Variants in AMPD1 observed in about 807,000 individuals in gnomAD.
The protein encoded by AMPD1 is AMP deaminase 1.
Under a neutral mutation model 82.9 loss-of-function variants are expected in AMPD1, and 74 were observed. The observed-to-expected ratio is 0.89, with a 90% confidence interval of 0.74 to 1.08. AMPD1 has a LOEUF of 1.08. Ranked by LOEUF, AMPD1 falls within the 50% of genes least tolerant of loss-of-function variation. AMPD1 has a pLI of 0.00. For missense variants in AMPD1, 881 were observed against 924.5 expected (o/e 0.95, Z 0.61); for synonymous variants, 333 against 320.5 (o/e 1.04, Z -0.42).
chr1:114,677,774 C>A, intron 9 of AMPD1, 136 bp downstream of exon 9: 2 of 718,824 alleles, frequency 2.8e-6, no homozygotes, highest in Non-Finnish European at 4.9e-6. Context: ...CCCTCCCTCC[C>A]TTCCTTCCTT....
Position 114,678,394 on chromosome 1 carries a change from AG to A in AMPD1, c.1030del (p.Leu344PhefsTer5). Reference protein sequence around the residue: ...TKEKNLTLKELFAKLKMHPYD... With the variant: ...TKEKNLTLKEXFAKLKMHPYD... ...AGGATGCATTTTTAATTTAGCAAAA[AG>A]TTCCTTTAGGGTCAGATTCTTCTCT... On this transcript the variant is annotated frameshift_variant, in exon 8 of 16. Coordinates refer to ENST00000520113, the MANE Select transcript of AMPD1 (RefSeq NM_000036.3). LOFTEE classifies it high-confidence loss of function. 1 of 1,614,176 alleles carries A rather than the reference AG, an allele frequency of 6.2e-7. No individual in the cohort carries two copies. The highest frequency in any genetic ancestry group is 1.7e-5 in the Admixed American group (1 of 60,010).
rs142271092 is a variant in AMPD1 at position 114,680,189 on chromosome 1, A to G, written c.767+70T>C. The G allele has an allele frequency of 4.2e-3, 5,518 of 1,302,268 alleles. 25 individuals carry two copies. Among genetic ancestry groups the G allele is most frequent in the Non-Finnish European group, 5.7e-3 (5,158 of 897,724 alleles). 80.7% of individuals were successfully genotyped at this position (1,302,268 alleles called of 1,614,324 possible). ...AAATACTTAGTCTCACTATCAGTAG[A>G]AGTAGTACTAGTTGTTGTTTAGGTC... is the stretch of plus-strand genomic sequence containing the variant. On this transcript the variant is annotated intron_variant, in intron 6 of 15. Coordinates refer to ENST00000520113, the MANE Select transcript of AMPD1 (RefSeq NM_000036.3).
At chr1:114,691,708 C>A (rs767703279) in intron 2 of AMPD1, among the ~76,000 whole-genome samples, 23 of 152,002 alleles carry the variant, frequency 1.5e-4, no homozygotes, top group Non-Finnish European at 2.6e-4. Context: ...GGCGGATCAC[C>A]TGAGGTCAGA....
intron 2 of AMPD1, among the ~76,000 whole-genome samples, chr1:114,690,185 T>A (rs1475114365): frequency 1.3e-5 from 2 of 152,206 alleles, no homozygotes; most frequent in African/African-American, 2.4e-5. Context: ...ACTTAACACC[T>A]CCTACATCTT....
chr1:114,684,098 T>C, intron 5 of AMPD1, 101 bp downstream of exon 5: 1 of 1,288,868 alleles, frequency 7.8e-7, no homozygotes, highest in Non-Finnish European at 1.1e-6. Flanking sequence ...GACTATGATA[T>C]TTTTAGACTG....
chr1:114,694,026 A>G (rs1658599780), intron 1 of AMPD1, among the ~76,000 whole-genome samples: 1 of 152,052 alleles, frequency 6.6e-6, no homozygotes, highest in Admixed American at 6.5e-5. Flanking sequence ...ACAGATATTC[A>G]CTGTGTTATA....
Position 114,693,134 on chromosome 1 carries a change from A to G in AMPD1, c.34+302T>C, listed in dbSNP as rs914355438. On this transcript the variant is annotated intron_variant, in intron 2 of 15. Transcript: ENST00000520113. ...TCCATCTCAAAATAAATAAATAAAT[A>G]AATAAATAAATAAATAAATAAATAA... Among the ~76,000 whole-genome samples the G allele has an allele frequency of 2.7e-5, 4 of 145,638 alleles. No individual in the cohort carries two copies. The Admixed American group carries it at 2.8e-4, about 10-fold the overall frequency.
At chr1:114,686,228 C>G (rs944724990) in intron 4 of AMPD1, among the ~76,000 whole-genome samples, 3 of 151,512 alleles carry the variant, frequency 2.0e-5, no homozygotes, top group African/African-American at 7.3e-5. Context: ...ATTTTCTAAC[C>G]TCTCTCTCAT....
At position 114,695,432 on chromosome 1, in the gene AMPD1, A is replaced by G. The variant is rs766221424; in HGVS notation, c.22+18T>C. On this transcript the variant is annotated intron_variant, in intron 1 of 15. Coordinates refer to ENST00000520113, the MANE Select transcript of AMPD1 (RefSeq NM_000036.3). Reference sequence around the variant, plus strand: ...AAAACAACAACAACTGAGCTCTCCAAACACTTTGTACACCTACCTGGGAGT... The same window carrying G: ...AAAACAACAACAACTGAGCTCTCCAGACACTTTGTACACCTACCTGGGAGT... 1 of 1,614,046 alleles carries G rather than the reference A, an allele frequency of 6.2e-7. No homozygotes were observed.
chr1:114,688,817 C>A, intron 2 of AMPD1, 76 bp from the exon 3 acceptor site: 1 of 1,537,646 alleles, frequency 6.5e-7, no homozygotes, highest in Non-Finnish European at 9.0e-7. Flanking sequence ...ATGTGTAAGG[C>A]ATGGGACAAG....
At position 114,674,942 on chromosome 1, in the gene AMPD1, G is replaced by A. The variant is rs546370148; in HGVS notation, c.1680-70C>T. 6.9e-6 allele frequency: 11 copies of A among 1,591,026 alleles called. No individual in the cohort carries two copies. The South Asian group carries it at 7.8e-5, about 11-fold the overall frequency. ...GAGTGATTCACAAGAAAATTCAGTA[G>A]AAAAGTGAACACTCTGGAAGGAAGT... is the stretch of plus-strand genomic sequence containing the variant. On this transcript the variant is annotated intron_variant, in intron 12 of 15. Transcript: ENST00000520113.
chr1:114,690,785 G>A (rs771361825), intron 2 of AMPD1, among the ~76,000 whole-genome samples: 5 of 152,100 alleles, frequency 3.3e-5, no homozygotes, highest in South Asian at 4.1e-4. Flanking sequence ...TGCATCTCAA[G>A]GGAGAGTGGC....
rs537859575 is a variant in AMPD1 at position 114,678,545 on chromosome 1, G to T, written c.898-18C>A. The T allele has an allele frequency of 9.3e-6, 15 of 1,608,776 alleles. No individual in the cohort carries two copies. Among genetic ancestry groups the T allele is most frequent in the Admixed American group, 5.0e-5 (3 of 60,010 alleles). On this transcript the variant is annotated intron_variant, in intron 7 of 15. Transcript: ENST00000520113. ...GTGTCCACCTGTATGTATATTCAAA[G>T]AAAGAAAAAAACATCAATCAGCCTT...
chr1:114,674,537 C>A (rs529673106), intron 13 of AMPD1, among the ~76,000 whole-genome samples: 1 of 152,196 alleles, frequency 6.6e-6, no homozygotes, highest in African/African-American at 2.4e-5. Context: ...AGGAGATCTG[C>A]GTTAACTTTT....
chr1:114,673,228 AG>A lies in AMPD1; in HGVS notation c.2129del (p.Pro710LeufsTer11), dbSNP rs1657883642. 2.5e-6 allele frequency: 4 copies of A among 1,614,054 alleles called. No homozygotes were observed. Among genetic ancestry groups the A allele is most frequent in the Non-Finnish European group, 3.4e-6 (4 of 1,180,016 alleles). On this transcript the variant is annotated frameshift_variant, in exon 16 of 16. Transcript: ENST00000520113. LOFTEE classifies it high-confidence loss of function. Reference sequence around the variant, plus strand: ...TTGTCCTCCGGATATCATTTCCAGCAGGGCCTTCCTCAAGGTAATTGTCGCC... The same window carrying A: ...TTGTCCTCCGGATATCATTTCCAGCAGGCCTTCCTCAAGGTAATTGTCGCC... ...FLGDNYLEEG[P>X]AGNDIRRTNV... is the part of the protein sequence containing the mutation.
intron 3 of AMPD1, 143 bp downstream of exon 3, chr1:114,688,418 G>A (rs1263137349): frequency 1.4e-5 from 14 of 969,896 alleles, no homozygotes; most frequent in Non-Finnish European, 2.3e-5. Context: ...GTGAGCCACT[G>A]TGCCCAGTCT....
In AMPD1 at chr1:114,690,175, A is replaced by G. The variant is rs556164413; in HGVS notation, c.35-1434T>C. 3.9e-5 allele frequency among the ~76,000 whole-genome samples: 6 copies of G among 152,302 alleles called. 1 individual carries two copies. The South Asian group carries it at 1.2e-3, about 32-fold the overall frequency. On this transcript the variant is annotated intron_variant, in intron 2 of 15. Transcript: ENST00000520113. ...CATGTGTTCAAGCTCCCTGCTCTGC[A>G]CTTAACACCTCCTACATCTTCCTCT...
At chr1:114,694,489 A>C (rs1194723236) in intron 1 of AMPD1, among the ~76,000 whole-genome samples, 1 of 152,186 alleles carries the variant, frequency 6.6e-6, no homozygotes, top group African/African-American at 2.4e-5. Context: ...TTGAAAAGAA[A>C]AAAAAACACT....
chr1:114,677,154 T>C (rs551703731), intron 10 of AMPD1, among the ~76,000 whole-genome samples, 197 bp downstream of exon 10: 2 of 152,048 alleles, frequency 1.3e-5, no homozygotes, highest in East Asian at 3.9e-4. Flanking sequence ...TCCGAAATGA[T>C]CTTCTTAACT....
Sources: gnomAD v4.1 joint callset for allele counts (sites outside exome capture counted in the v4.1 genomes callset) on GRCh38, gnomAD v4.1.1 for gene constraint, MANE v1.5 for transcripts, NCBI Gene and HGNC (gene_info 2026-07-23, HGNC 2026-07-21) for gene names.